Variants in NRF1 observed in about 807,000 individuals in gnomAD.
NRF1 encodes nuclear respiratory factor 1.
Under a neutral mutation model 58.5 loss-of-function variants are expected in NRF1, and 5 were observed. The observed-to-expected ratio is 0.09, with a 90% CI of 0.04 to 0.18. NRF1 has a LOEUF of 0.18. Ranked by LOEUF, NRF1 falls within the 10% of genes least tolerant of loss-of-function variation. The probability of loss-of-function intolerance (pLI) is 1.00; values close to 1 mark genes in which losing one functional copy is unlikely to be tolerated. For missense variants in NRF1, 288 were observed against 657.7 expected, an observed-to-expected ratio of 0.44 and a Z score of 6.15; for synonymous variants, 224 against 246.7, an observed-to-expected ratio of 0.91 and a Z score of 0.86.
rs546104535 is a variant in NRF1 at position 129,625,351 on chromosome 7, G to A, written c.-7+13527G>A. On this transcript the variant is annotated intron_variant, in intron 1 of 10. Coordinates refer to ENST00000393232, the MANE Select transcript of NRF1 (RefSeq NM_005011.5). The stretch of plus-strand genomic sequence containing the variant: ...TCACAGGTGCCAATGGTAAGCATGT[G>A]AACATATCTTTTTGGGAGCCACAGT... Among the ~76,000 whole-genome samples the A allele has an allele frequency of 5.9e-5, 9 of 152,298 alleles. No homozygotes were observed. The South Asian group carries it at 1.9e-3, about 32-fold the overall frequency.
Position 129,755,546 on chromosome 7 carries a change from CATATATAT to C in NRF1, c.*376_*383del, listed in dbSNP as rs10580617. 8.1e-5 allele frequency: 12 copies of C among 148,010 alleles called. No individual in the cohort carries two copies. The highest frequency in any genetic ancestry group is 2.7e-4 in the African/African-American group (11 of 40,210). 9.2% of individuals were successfully genotyped at this position (148,010 alleles called of 1,614,324 possible). On this transcript the variant is annotated 3_prime_UTR_variant, in exon 11 of 11. Coordinates refer to ENST00000393232, the MANE Select transcript of NRF1 (RefSeq NM_005011.5). The surrounding 1 kb of genome is among the most constrained non-coding windows in gnomAD (Gnocchi z 5.8). Reference sequence around the variant, plus strand: ...TACATATATATAAAGTATATATATACATATATATATATATATATGTATGAAACCCGCAT... The same window carrying C: ...TACATATATATAAAGTATATATATACATATATATATGTATGAAACCCGCAT...
At chr7:129,709,843 G>A (rs1803033391) in intron 6 of NRF1, among the ~76,000 whole-genome samples, 1 of 148,010 alleles carries the variant, frequency 6.8e-6, no homozygotes, top group African/African-American at 2.5e-5. Context: ...CAATTCTTCT[G>A]TCTCAGCCTC....
chr7:129,733,381 G>A lies in NRF1; in HGVS notation c.1348+6016G>A, dbSNP rs546467686. On this transcript the variant is annotated intron_variant, in intron 10 of 10. Transcript: ENST00000393232. ...ACTCGGGAGGCTGAGGCAGGAGAACGGCGTGAACCTGGGAGGTGGAGTTTG... is the reference window on the plus strand; with the variant it reads ...ACTCGGGAGGCTGAGGCAGGAGAACAGCGTGAACCTGGGAGGTGGAGTTTG... Among the ~76,000 whole-genome samples, 6 of 151,674 alleles carry A rather than the reference G, an allele frequency of 4.0e-5. No individual in the cohort carries two copies. The South Asian group carries it at 1.0e-3, about 26-fold the overall frequency.
At chr7:129,662,325 A>T (rs1461897804) in intron 2 of NRF1, among the ~76,000 whole-genome samples, 1 of 151,694 alleles carries the variant, frequency 6.6e-6, no homozygotes, top group Non-Finnish European at 1.5e-5. Flanking sequence ...GGTAATTGTT[A>T]ATAGTTTAAC....
intron 8 of NRF1, among the ~76,000 whole-genome samples, chr7:129,715,382 G>T (rs528683035): frequency 6.6e-6 from 1 of 152,118 alleles, no homozygotes; most frequent in Non-Finnish European, 1.5e-5. Flanking sequence ...AGCAAACCTG[G>T]ATTCTCATGT....
chr7:129,716,239 A>G lies in NRF1; in HGVS notation c.1066-980A>G, dbSNP rs189202169. On this transcript the variant is annotated intron_variant, in intron 8 of 10. Transcript: ENST00000393232. Reference sequence around the variant, plus strand: ...CTGTGTAAATATACTTCCATATAGCAGGAATAGCTCTACAAAGGTACACGA... The same window carrying G: ...CTGTGTAAATATACTTCCATATAGCGGGAATAGCTCTACAAAGGTACACGA... Among the ~76,000 whole-genome samples the G allele has an allele frequency of 2.2e-4, 33 of 152,272 alleles. No homozygotes were observed. In the East Asian group the frequency reaches 6.2e-3, roughly 29 times the overall value.
In NRF1 at chr7:129,649,019, T is replaced by C. The variant is rs538089694; in HGVS notation, c.-6-8327T>C. ...TCATACACTCTTTGAAAGAGAATTA[T>C]CCTAGGTCAAATGGATTTTTCTTTT... On this transcript the variant is annotated intron_variant, in intron 1 of 10. Transcript: ENST00000393232. Among the ~76,000 whole-genome samples, 17 of 152,246 alleles carry C rather than the reference T, an allele frequency of 1.1e-4. No individual in the cohort carries two copies. The South Asian group carries it at 2.5e-3, about 22-fold the overall frequency.
chr7:129,745,578 T>G (rs903671168), intron 10 of NRF1, among the ~76,000 whole-genome samples: 3 of 134,322 alleles, frequency 2.2e-5, no homozygotes, highest in Admixed American at 8.8e-5. Flanking sequence ...TCGGGACCGC[T>G]GCTCCAGAGC....
At chr7:129,639,861 T>C (rs1233701883) in intron 1 of NRF1, among the ~76,000 whole-genome samples, 7 of 152,132 alleles carry the variant, frequency 4.6e-5, no homozygotes, top group Non-Finnish European at 2.9e-5. Context: ...CCCCCTTTTT[T>C]AAAAAAAGTA....
At chr7:129,682,863 TAA>T (rs66539871) in intron 4 of NRF1, among the ~76,000 whole-genome samples, 1 of 152,296 alleles carries the variant, frequency 6.6e-6, no homozygotes. Context: ...TACAAGGGGA[TAA>T]ATATATCATA....
chr7:129,733,584 C>T (rs997304320), intron 10 of NRF1, among the ~76,000 whole-genome samples: 1 of 152,220 alleles, frequency 6.6e-6, no homozygotes, highest in Non-Finnish European at 1.5e-5. Context: ...TCTGCTTCTA[C>T]CCCAGCTTTC....
chr7:129,632,024 C>A (rs1383570779), intron 1 of NRF1, among the ~76,000 whole-genome samples: 1 of 152,134 alleles, frequency 6.6e-6, no homozygotes, highest in Non-Finnish European at 1.5e-5. Context: ...TCTGTAATCC[C>A]AGCTACTTGG....
At chr7:129,645,239 T>C (rs1428428932) in intron 1 of NRF1, among the ~76,000 whole-genome samples, 1 of 152,206 alleles carries the variant, frequency 6.6e-6, no homozygotes, top group Non-Finnish European at 1.5e-5. Context: ...TTTTCCTTCA[T>C]TTGACAGATG....
intron 2 of NRF1, among the ~76,000 whole-genome samples, chr7:129,670,597 C>A (rs910618467): frequency 2.6e-5 from 4 of 152,020 alleles, no homozygotes; most frequent in African/African-American, 9.7e-5. Flanking sequence ...TTTATTTAAG[C>A]CTTTTACAAG....
intron 1 of NRF1, among the ~76,000 whole-genome samples, chr7:129,632,064 C>A (rs903740452): frequency 1.3e-5 from 2 of 152,056 alleles, no homozygotes; most frequent in Middle Eastern, 3.2e-3. Flanking sequence ...TGCTTGAGGC[C>A]AGTAGTTCGA....
chr7:129,738,827 G>C (rs1450846783), intron 10 of NRF1, among the ~76,000 whole-genome samples: 1 of 152,116 alleles, frequency 6.6e-6, no homozygotes, highest in Non-Finnish European at 1.5e-5. Flanking sequence ...TAAATAGTAA[G>C]ACTGGAAATC....
At chr7:129,691,569 C>T (rs572311777) in intron 5 of NRF1, among the ~76,000 whole-genome samples, 2 of 150,806 alleles carry the variant, frequency 1.3e-5, no homozygotes, top group African/African-American at 2.4e-5. Context: ...TAGCCAGGAT[C>T]GTCTCAAACT....
intron 4 of NRF1, among the ~76,000 whole-genome samples, chr7:129,686,391 A>G (rs1405420596): frequency 2.6e-5 from 4 of 152,218 alleles, no homozygotes; most frequent in African/African-American, 9.6e-5. Context: ...TTGTCCTATA[A>G]GAAGTGAGGA....
intron 1 of NRF1, among the ~76,000 whole-genome samples, chr7:129,629,857 CTAAG>C (rs1801010018): frequency 6.6e-6 from 1 of 152,116 alleles, no homozygotes; most frequent in South Asian, 2.1e-4. Flanking sequence ...TTAAATTGTG[CTAAG>C]TGTCAGTAGT....
Sources: allele counts gnomAD v4.1 joint callset (sites outside exome capture counted in the v4.1 genomes callset), GRCh38; gene constraint gnomAD v4.1.1; non-coding constraint Gnocchi (gnomAD v3.1); transcripts MANE v1.5; gene names NCBI Gene and HGNC (gene_info 2026-07-23, HGNC 2026-07-21).